Variants in KIRREL3 observed in about 807,000 individuals in gnomAD.
KIRREL3 encodes kin of IRRE-like protein 3.
A neutral mutation model predicts 89.7 loss-of-function variants in KIRREL3; 36 were observed. The observed-to-expected ratio is 0.40, with a 90% CI of 0.31 to 0.53. The LOEUF (loss-of-function observed/expected upper bound fraction) is 0.53, where lower values mean the gene tolerates loss of function less well. Among genes scored for constraint, KIRREL3 ranks in the 20% least tolerant of loss-of-function variants. The pLI, the probability that KIRREL3 is intolerant of heterozygous loss-of-function variation, is 0.49. For synonymous variants in KIRREL3, 445 were observed against 441.4 expected (o/e 1.01, Z -0.10); for missense variants, 864 against 1,056.6 (o/e 0.82, Z 2.53).
chr11:126,542,797 A>G (rs1208084652), intron 2 of KIRREL3, among the ~76,000 whole-genome samples: 2 of 152,236 alleles, frequency 1.3e-5, no homozygotes, highest in African/African-American at 4.8e-5. Context: ...AAACTTGGTG[A>G]TAGCATTTGC....
chr11:126,621,584 T>A (rs1323702373), intron 1 of KIRREL3, among the ~76,000 whole-genome samples: 1 of 152,222 alleles, frequency 6.6e-6, no homozygotes, highest in Non-Finnish European at 1.5e-5. Flanking sequence ...TACTCTTAGA[T>A]ACACTCTTTA....
rs995655722 is a variant in KIRREL3, at chr11:126,897,089, G to A, written c.55+103366C>T. Among the ~76,000 whole-genome samples the A allele has an allele frequency of 1.3e-5, 2 of 152,028 alleles. No homozygotes were observed. Among genetic ancestry groups the A allele is most frequent in the South Asian group, 2.1e-4 (1 of 4,818 alleles). Reference sequence around the variant, plus strand: ...CCTCTTATCCAAGTTATTAAAATACGAAAGATCATCTCACGAATACGGGCT... The same window carrying A: ...CCTCTTATCCAAGTTATTAAAATACAAAAGATCATCTCACGAATACGGGCT... On this transcript the variant is annotated intron_variant, in intron 1 of 16. Transcript: ENST00000525144. The surrounding 1 kb of genome is among the most constrained non-coding windows in gnomAD (Gnocchi z 4.2).
chr11:126,962,261 G>T (rs1043242000), intron 1 of KIRREL3, among the ~76,000 whole-genome samples: 3 of 152,208 alleles, frequency 2.0e-5, no homozygotes, highest in Admixed American at 6.6e-5. Flanking sequence ...CTATTGGAAA[G>T]GATTCATCAT....
In KIRREL3 at chr11:126,425,697, A is replaced by C; in HGVS notation, c.1834T>G (p.Ser612Ala). Reference sequence around the variant, plus strand: ...AGGACCTCCAGCTGTTTCAGGACTGAGTCTTGCTGGAATTCACCCCGGTCC... The same window carrying C: ...AGGACCTCCAGCTGTTTCAGGACTGCGTCTTGCTGGAATTCACCCCGGTCC... ...MMDRGEFQQDSVLKQLEVLKE... is the reference protein window; with the variant it reads ...MMDRGEFQQDAVLKQLEVLKE... The change falls in exon 16 of 17, where the codon TCA becomes GCA. Residue 612 changes from serine to alanine, a missense_variant. Transcript: ENST00000525144. 6.3e-7 allele frequency: 1 copy of C among 1,598,638 alleles called. No individual in the cohort carries two copies. Among genetic ancestry groups the C allele is most frequent in the Non-Finnish European group, 8.5e-7 (1 of 1,172,048 alleles).
rs1946264908 is a variant in KIRREL3 at position 126,677,798 on chromosome 11, C to T, written c.56-114886G>A. Among the ~76,000 whole-genome samples, 1 of 152,126 alleles carries T rather than the reference C, an allele frequency of 6.6e-6. No individual in the cohort carries two copies. The highest frequency in any genetic ancestry group is 2.1e-4 in the South Asian group (1 of 4,812). On this transcript the variant is annotated intron_variant, in intron 1 of 16. Coordinates refer to ENST00000525144, the MANE Select transcript of KIRREL3 (RefSeq NM_032531.4). This position sits in a 1 kb window ranked among gnomAD's most constrained non-coding sequence, Gnocchi z 5.1. ...TTGTCCACTGGTTGGAGTGAGCCTC[C>T]CCCTTTTACTGCATCTCCACGAGGC...
In KIRREL3 at chr11:126,970,880, A is replaced by G. The variant is rs886877545; in HGVS notation, c.55+29575T>C. Among the ~76,000 whole-genome samples the G allele has an allele frequency of 6.6e-6, 1 of 152,230 alleles. No homozygotes were observed. The highest frequency in any genetic ancestry group is 2.4e-5 in the African/African-American group (1 of 41,462). On this transcript the variant is annotated intron_variant, in intron 1 of 16. Transcript: ENST00000525144. This position sits in a 1 kb window ranked among gnomAD's most constrained non-coding sequence, Gnocchi z 4.4. ...CAATGAGGCTCACCTGCTGCCAGGT[A>G]TCTACGCAGCAGGAGAACCACAAAC...
intron 1 of KIRREL3, among the ~76,000 whole-genome samples, chr11:126,730,406 T>C (rs1478262830): frequency 6.6e-6 from 1 of 152,246 alleles, no homozygotes; most frequent in Non-Finnish European, 1.5e-5. Flanking sequence ...TGGTCAATCA[T>C]GCCTTCCTCT....
At position 126,786,336 on chromosome 11, in the gene KIRREL3, A is replaced by C. The variant is rs138077849; in HGVS notation, c.55+214119T>G. Among the ~76,000 whole-genome samples the C allele has an allele frequency of 2.1e-3, 313 of 152,308 alleles. 1 individual carries two copies. The South Asian group carries it at 0.024, about 12-fold the overall frequency. On this transcript the variant is annotated intron_variant, in intron 1 of 16. Coordinates refer to ENST00000525144, the MANE Select transcript of KIRREL3 (RefSeq NM_032531.4). ...ATAGTGTTTGTATTAGACAGGTGGG[A>C]TTTGAGTTGATTCTTTTTTCTTTTC...
chr11:126,774,311 C>T (rs1418866169), intron 1 of KIRREL3, among the ~76,000 whole-genome samples: 4 of 152,044 alleles, frequency 2.6e-5, no homozygotes, highest in African/African-American at 9.7e-5. Context: ...GGGGAAAGAA[C>T]TCCGAGTCCA....
intron 7 of KIRREL3, among the ~76,000 whole-genome samples, chr11:126,451,173 A>C (rs1411235553): frequency 7.9e-6 from 1 of 127,122 alleles, no homozygotes; most frequent in African/African-American, 3.1e-5. Context: ...GTGAATGTGT[A>C]CATGTGTGAA....
intron 1 of KIRREL3, among the ~76,000 whole-genome samples, chr11:126,988,025 C>T (rs1039237257): frequency 3.3e-5 from 5 of 152,190 alleles, no homozygotes; most frequent in African/African-American, 1.2e-4. Flanking sequence ...TTCAGAAACA[C>T]GTAATCTCCT....
At position 126,697,746 on chromosome 11, in the gene KIRREL3, G is replaced by A. The variant is rs544259925; in HGVS notation, c.56-134834C>T. Among the ~76,000 whole-genome samples the A allele has an allele frequency of 5.3e-5, 8 of 152,300 alleles. No individual in the cohort carries two copies. The highest frequency in any genetic ancestry group is 3.9e-4 in the Admixed American group (6 of 15,302). ...GGACTCAGCTTCTCCCGGGGCCTCC[G>A]GGTGGGTCCCATGATTGCTCTGATC... On this transcript the variant is annotated intron_variant, in intron 1 of 16. Transcript: ENST00000525144. This position sits in a 1 kb window ranked among gnomAD's most constrained non-coding sequence, Gnocchi z 4.2.
In KIRREL3 at chr11:126,685,255, G is replaced by A. The variant is rs1946623514; in HGVS notation, c.56-122343C>T. Among the ~76,000 whole-genome samples the A allele has an allele frequency of 6.6e-6, 1 of 152,178 alleles. No individual in the cohort carries two copies. Among genetic ancestry groups the A allele is most frequent in the Admixed American group, 6.5e-5 (1 of 15,284 alleles). Reference sequence around the variant, plus strand: ...GTCAGGGGCAGGGCGGCAGATGCTTGGGGTCACATGAACACACAATTGAGC... The same window carrying A: ...GTCAGGGGCAGGGCGGCAGATGCTTAGGGTCACATGAACACACAATTGAGC... On this transcript the variant is annotated intron_variant, in intron 1 of 16. Coordinates refer to ENST00000525144, the MANE Select transcript of KIRREL3 (RefSeq NM_032531.4). This position sits in a 1 kb window ranked among gnomAD's most constrained non-coding sequence, Gnocchi z 5.5.
intron 4 of KIRREL3, among the ~76,000 whole-genome samples, chr11:126,499,723 A>G (rs1957794472): frequency 6.6e-6 from 1 of 152,238 alleles, no homozygotes; most frequent in Non-Finnish European, 1.5e-5. Context: ...CAGCTGCTAA[A>G]ATCCTACCCA....
intron 1 of KIRREL3, among the ~76,000 whole-genome samples, chr11:126,638,614 T>G (rs960000303): frequency 1.3e-5 from 2 of 152,214 alleles, no homozygotes; most frequent in Admixed American, 1.3e-4. Context: ...GGTAGCCCCA[T>G]AGTCCGTGGA....
chr11:126,425,088 C>G, intron 16 of KIRREL3, 65 bp from the exon 17 acceptor site: 1 of 1,391,102 alleles, frequency 7.2e-7, no homozygotes. Flanking sequence ...GCTGGGGTTT[C>G]CAGGCTGAGC....
rs1437218652 is a variant in KIRREL3 at position 126,628,827 on chromosome 11, C to G, written c.56-65915G>C. ...GCCCCCTCCGCTCGCTCTGCCTGTG[C>G]AGGGTCCATCCTGAGGAGAGTCTGA... On this transcript the variant is annotated intron_variant, in intron 1 of 16. Transcript: ENST00000525144. The surrounding 1 kb of genome is among the most constrained non-coding windows in gnomAD (Gnocchi z 5.2). 1.3e-5 allele frequency among the ~76,000 whole-genome samples: 2 copies of G among 152,184 alleles called. No homozygotes were observed. Among genetic ancestry groups the G allele is most frequent in the African/African-American group, 4.8e-5 (2 of 41,436 alleles).
rs1329121151 is a variant in KIRREL3 at position 126,636,296 on chromosome 11, G to T, written c.56-73384C>A. ...CTTTTTGAGCTAGTTGTGTTTGCTT[G>T]CTACGGAGGAAATACCCATTTCAAA... On this transcript the variant is annotated intron_variant, in intron 1 of 16. Transcript: ENST00000525144. This position sits in a 1 kb window ranked among gnomAD's most constrained non-coding sequence, Gnocchi z 4.4. Among the ~76,000 whole-genome samples the T allele has an allele frequency of 6.6e-6, 1 of 152,152 alleles. No individual in the cohort carries two copies. Among genetic ancestry groups the T allele is most frequent in the Non-Finnish European group, 1.5e-5 (1 of 68,030 alleles).
intron 2 of KIRREL3, among the ~76,000 whole-genome samples, chr11:126,542,782 T>G (rs1184065891): frequency 1.3e-5 from 2 of 152,232 alleles, no homozygotes; most frequent in Non-Finnish European, 2.9e-5. Flanking sequence ...AGGACTTCAT[T>G]AAGCAAACTT....
Sources: allele counts gnomAD v4.1 joint callset (sites outside exome capture counted in the v4.1 genomes callset), GRCh38; gene constraint gnomAD v4.1.1; non-coding constraint Gnocchi (gnomAD v3.1); transcripts MANE v1.5; gene names NCBI Gene and HGNC (gene_info 2026-07-23, HGNC 2026-07-21).